BANK1: variants seen among roughly 807,000 people sequenced by gnomAD.
BANK1 encodes B cell scaffold protein with ankyrin repeats 1, also known as B-cell scaffold protein with ankyrin repeats.
BANK1 carries 95 observed loss-of-function variants against 94.5 expected under a neutral mutation model. The ratio of observed to expected loss-of-function variants is 1.00; its 90% confidence interval spans 0.85 to 1.19. The LOEUF is 1.19. Among genes scored for constraint, BANK1 ranks in the 50% most tolerant of loss-of-function variants. The probability of loss-of-function intolerance (pLI) is 0.00; values close to 1 mark genes in which losing one functional copy is unlikely to be tolerated. For missense variants in BANK1, 987 were observed against 932.2 expected (o/e 1.06, Z -0.77); for synonymous variants, 334 against 308.4 (o/e 1.08, Z -0.87).
Position 101,960,827 on chromosome 4 carries a change from A to T in BANK1, c.1206+42638A>T, listed in dbSNP as rs554243415. On this transcript the variant is annotated intron_variant, in intron 7 of 16. Coordinates refer to ENST00000322953, the MANE Select transcript of BANK1 (RefSeq NM_017935.5). ...TATGTAAGGAGCAAAGACTGAGAGT[A>T]AAGCAGCAGGATTTTTAGCTCCGCC... Among the ~76,000 whole-genome samples the T allele has an allele frequency of 3.3e-5, 5 of 152,310 alleles. No homozygotes were observed. In the South Asian group the frequency reaches 8.3e-4, roughly 25 times the overall value.
At chr4:101,986,873 ATGTGTGTGTGTGTGTGTG>A (rs1164357630) in intron 7 of BANK1, among the ~76,000 whole-genome samples, 16 of 46,892 alleles carry the variant, frequency 3.4e-4, no homozygotes, top group African/African-American at 1.3e-3. Flanking sequence ...ATATGTGTGT[ATGTGTGTGTGTGTGTGTG>A]TGTGTGTGTA....
chr4:101,876,655 T>C (rs1728500749), intron 5 of BANK1, among the ~76,000 whole-genome samples: 1 of 152,126 alleles, frequency 6.6e-6, no homozygotes, highest in Non-Finnish European at 1.5e-5. Context: ...CAAACATCTA[T>C]AAATATCAAG....
intron 2 of BANK1, among the ~76,000 whole-genome samples, chr4:101,850,823 G>T (rs531711476): frequency 6.6e-6 from 1 of 152,108 alleles, no homozygotes; most frequent in Admixed American, 6.6e-5. Flanking sequence ...TGTTTTGGGT[G>T]CCATGGACTG....
intron 1 of BANK1, among the ~76,000 whole-genome samples, chr4:101,828,933 G>A (rs922304537): frequency 6.6e-5 from 10 of 151,772 alleles, no homozygotes; most frequent in Non-Finnish European, 7.4e-5. Flanking sequence ...CATAATCTCC[G>A]CTCACTGCAA....
intron 7 of BANK1, among the ~76,000 whole-genome samples, chr4:102,002,580 CACACACACAT>C (rs1326790397): frequency 6.6e-6 from 1 of 150,730 alleles, no homozygotes; most frequent in Admixed American, 6.6e-5. Flanking sequence ...CACACACACA[CACACACACAT>C]ATATATATAC....
Position 101,888,302 on chromosome 4 carries a change from G to A in BANK1, c.904-7003G>A, listed in dbSNP as rs201386409. Among the ~76,000 whole-genome samples the A allele has an allele frequency of 2.1e-4, 32 of 152,212 alleles. No homozygotes were observed. The East Asian group carries it at 3.7e-3, about 17-fold the overall frequency. On this transcript the variant is annotated intron_variant, in intron 5 of 16. Coordinates refer to ENST00000322953, the MANE Select transcript of BANK1 (RefSeq NM_017935.5). Reference sequence around the variant, plus strand: ...ATCACGTGAGAGAGTTTTCAACAACGAGACACAAGGGGACATCTTTGAAAC... The same window carrying A: ...ATCACGTGAGAGAGTTTTCAACAACAAGACACAAGGGGACATCTTTGAAAC...
chr4:102,006,249 AC>A (rs1726257199), intron 7 of BANK1, among the ~76,000 whole-genome samples: 1 of 152,022 alleles, frequency 6.6e-6, no homozygotes, highest in South Asian at 2.1e-4. Flanking sequence ...AGGATATCTG[AC>A]CTTAAGTATT....
At chr4:101,923,870 A>G (rs1723074628) in intron 7 of BANK1, among the ~76,000 whole-genome samples, 1 of 151,768 alleles carries the variant, frequency 6.6e-6, no homozygotes, top group South Asian at 2.1e-4. Flanking sequence ...CTATGCATCT[A>G]TTAAAAGAAA....
chr4:102,058,673 C>A (rs1728313653), intron 11 of BANK1, among the ~76,000 whole-genome samples: 1 of 147,644 alleles, frequency 6.8e-6, no homozygotes, highest in Non-Finnish European at 1.5e-5. Context: ...CCTAATTTAT[C>A]AAGACAAATG....
chr4:101,989,794 C>A (rs1464560926), intron 7 of BANK1, among the ~76,000 whole-genome samples: 1 of 152,114 alleles, frequency 6.6e-6, no homozygotes, highest in Non-Finnish European at 1.5e-5. Flanking sequence ...TGATGTCATG[C>A]CTTTCTAAGT....
At chr4:101,927,961 A>T (rs1723218347) in intron 7 of BANK1, among the ~76,000 whole-genome samples, 1 of 151,664 alleles carries the variant, frequency 6.6e-6, no homozygotes, top group African/African-American at 2.4e-5. Flanking sequence ...ATTTTCACAG[A>T]TGAGGTAGTG....
chr4:101,815,088 GTTGATA>G, intron 1 of BANK1, among the ~76,000 whole-genome samples: 1 of 152,124 alleles, frequency 6.6e-6, no homozygotes, highest in East Asian at 1.9e-4. Flanking sequence ...TACTGATGAA[GTTGATA>G]ATTGGCTCAA....
chr4:102,029,199 T>C (rs948228504), intron 9 of BANK1, among the ~76,000 whole-genome samples: 3 of 152,144 alleles, frequency 2.0e-5, no homozygotes, highest in East Asian at 3.8e-4. Flanking sequence ...GTGTCCTTTA[T>C]CTATGAATAA....
intron 4 of BANK1, among the ~76,000 whole-genome samples, chr4:101,867,453 C>G (rs964397203): frequency 6.8e-6 from 1 of 147,972 alleles, no homozygotes; most frequent in African/African-American, 2.5e-5. Flanking sequence ...AGGTCAGAAA[C>G]TTAGATCTAC....
chr4:101,880,100 G>T (rs1291641008), intron 5 of BANK1, among the ~76,000 whole-genome samples: 2 of 151,812 alleles, frequency 1.3e-5, no homozygotes, highest in African/African-American at 4.8e-5. Context: ...AGCAATAAGA[G>T]AAAAGAAATA....
At chr4:101,868,952 T>C (rs1560609112) in intron 4 of BANK1, among the ~76,000 whole-genome samples, 3 of 151,910 alleles carry the variant, frequency 2.0e-5, no homozygotes, top group Non-Finnish European at 4.4e-5. Context: ...AGGATTACTC[T>C]AAAATCGACA....
intron 7 of BANK1, among the ~76,000 whole-genome samples, chr4:101,975,072 G>GA (rs1272833138): frequency 1.3e-5 from 2 of 151,958 alleles, no homozygotes; most frequent in Non-Finnish European, 2.9e-5. Context: ...GGGACTGGGG[G>GA]AAAAAAATCT....
At chr4:101,982,168 T>A (rs771916013) in intron 7 of BANK1, among the ~76,000 whole-genome samples, 8 of 152,150 alleles carry the variant, frequency 5.3e-5, no homozygotes, top group Non-Finnish European at 8.8e-5. Context: ...TATAATGAAT[T>A]AGTAGCAGCT....
chr4:102,031,258 A>T (rs140295983), intron 10 of BANK1, among the ~76,000 whole-genome samples: 2,074 of 152,210 alleles, frequency 0.014, 147 homozygotes, highest in Admixed American at 0.12. Flanking sequence ...GTATCTGTTC[A>T]TATCCTTTGC....
Sources: gnomAD v4.1 joint callset for allele counts (sites outside exome capture counted in the v4.1 genomes callset) on GRCh38, gnomAD v4.1.1 for gene constraint, MANE v1.5 for transcripts, NCBI Gene and HGNC (gene_info 2026-07-23, HGNC 2026-07-21) for gene names.